The following ZFHX3 variants were observed in gnomAD, a reference collection of about 807,000 sequenced individuals.
The protein encoded by ZFHX3 is zinc finger homeobox 3.
A neutral mutation model predicts 279.1 loss-of-function variants in ZFHX3; 42 were observed. The ratio of observed to expected loss-of-function variants is 0.15; its 90% CI spans 0.12 to 0.19. The LOEUF is 0.19. Among genes scored for constraint, ZFHX3 ranks in the 10% least tolerant of loss-of-function variants. ZFHX3 has a pLI of 1.00. For synonymous variants in ZFHX3, 2,293 were observed against 1,957.8 expected, an observed-to-expected ratio of 1.17 and a Z score of -4.52; for missense variants, 4,981 against 4,754.0, an observed-to-expected ratio of 1.05 and a Z score of -1.40.
intron 2 of ZFHX3, among the ~76,000 whole-genome samples, chr16:73,643,572 G>A (rs1364066563): frequency 6.6e-6 from 1 of 152,212 alleles, no homozygotes. Flanking sequence ...TTCCATGAAG[G>A]TGAAGTTACC....
At position 73,442,195 on chromosome 16, in the gene ZFHX3, G is replaced by A. The variant is rs186870661; in HGVS notation, c.-1291+13808C>T. 1.9e-3 allele frequency among the ~76,000 whole-genome samples: 290 copies of A among 152,292 alleles called. 1 individual carries two copies. Among genetic ancestry groups the A allele is most frequent in the Middle Eastern group, 0.01 (3 of 294 alleles). On this transcript the variant is annotated intron_variant, in intron 3 of 17. Coordinates refer to the ZFHX3 transcript ENST00000641206. ...GCAAAGGGAAGGAGGAGCCTGGAAG[G>A]GAAAGGACATTCATGTTAGTTTGCA...
At chr16:73,390,245 A>G (rs1567469227) in intron 3 of ZFHX3, among the ~76,000 whole-genome samples, 1 of 151,814 alleles carries the variant, frequency 6.6e-6, no homozygotes, top group Non-Finnish European at 1.5e-5. Context: ...TCCCTCTTAA[A>G]CTTAGAAAGC....
At chr16:73,144,181 C>T (rs566374158) in intron 5 of ZFHX3, 3 of 183,086 alleles carry the variant, frequency 1.6e-5, no homozygotes, top group Non-Finnish European at 3.4e-5. Flanking sequence ...ATATTGGTAG[C>T]GGGATCAGGA....
chr16:72,916,052 A>G (rs2039434157), intron 3 of ZFHX3, among the ~76,000 whole-genome samples: 1 of 152,238 alleles, frequency 6.6e-6, no homozygotes. Context: ...GAAATGACGG[A>G]CTGGAATAGT....
intron 1 of ZFHX3, among the ~76,000 whole-genome samples, chr16:73,877,264 T>C (rs1297917884): frequency 6.6e-6 from 1 of 151,824 alleles, no homozygotes; most frequent in East Asian, 1.9e-4. Flanking sequence ...AATTCATCAG[T>C]TTTTGTCTTT....
rs199567227 is a variant in ZFHX3 at position 72,788,817 on chromosome 16, A to G, written c.9459T>C (p.Gly3153=). 75 of 1,525,398 alleles carry G rather than the reference A, an allele frequency of 4.9e-5. No homozygotes were observed. In the Middle Eastern group the frequency reaches 7.1e-4, roughly 14 times the overall value. The allele number at this position is 1,525,398 out of a possible 1,614,324, so 94.5% of individuals were successfully genotyped here. A position where few individuals can be genotyped will look rare whatever the true frequency, so the allele number is the denominator to read the frequency against. The change falls in exon 10 of 10, where the codon GGT becomes GGC. Residue 3153 remains glycine (G), a synonymous_variant. Transcript: ENST00000268489. ...ALTSPKPNLM[G]LPSTTVPSPG... ...GGGAAGGAACAGTTGTGCTGGGCAG[A>G]CCCATCAAGTTCGGCTTAGGAGACG...
At chr16:73,868,488 C>T (rs969948599) in intron 1 of ZFHX3, among the ~76,000 whole-genome samples, 3 of 152,248 alleles carry the variant, frequency 2.0e-5, no homozygotes, top group African/African-American at 7.2e-5. Flanking sequence ...CACGCCACTG[C>T]ACTCCAGCCT....
intron 3 of ZFHX3, among the ~76,000 whole-genome samples, chr16:73,354,330 T>A (rs1255005738): frequency 1.3e-5 from 2 of 152,172 alleles, no homozygotes; most frequent in South Asian, 2.1e-4. Flanking sequence ...AAATGTAAGG[T>A]CCCGAGTGTA....
At chr16:73,606,314 C>A (rs1555527839) in intron 2 of ZFHX3, among the ~76,000 whole-genome samples, 2 of 150,178 alleles carry the variant, frequency 1.3e-5, no homozygotes, top group African/African-American at 2.5e-5. Context: ...CCGAGACCAG[C>A]CTAAAATATA....
chr16:73,141,497 A>G (rs1966847746), intron 6 of ZFHX3, among the ~76,000 whole-genome samples: 1 of 151,828 alleles, frequency 6.6e-6, no homozygotes, highest in Non-Finnish European at 1.5e-5. Flanking sequence ...TCCTGGGCTC[A>G]AGGGATACTC....
chr16:73,104,198 T>C (rs946933008), intron 7 of ZFHX3, among the ~76,000 whole-genome samples: 1 of 141,452 alleles, frequency 7.1e-6, no homozygotes, highest in Non-Finnish European at 1.6e-5. Flanking sequence ...TGGAATTATG[T>C]GCTCCCTATG....
chr16:72,876,199 T>G (rs1046908131), intron 4 of ZFHX3, among the ~76,000 whole-genome samples: 1 of 152,204 alleles, frequency 6.6e-6, no homozygotes, highest in African/African-American at 2.4e-5. Context: ...TTCAAATATT[T>G]CATTGAGATG....
At chr16:73,672,513 T>C (rs2052913774) in intron 2 of ZFHX3, among the ~76,000 whole-genome samples, 1 of 152,144 alleles carries the variant, frequency 6.6e-6, no homozygotes, top group Non-Finnish European at 1.5e-5. Flanking sequence ...ATTGGCCAAG[T>C]TGTACCTACC....
intron 4 of ZFHX3, among the ~76,000 whole-genome samples, chr16:73,304,113 C>G (rs1475355352): frequency 2.6e-5 from 4 of 152,182 alleles, no homozygotes; most frequent in African/African-American, 9.6e-5. Context: ...TGGCAGCCTC[C>G]CACCAGTCTC....
chr16:73,874,399 A>G (rs1431931219), intron 1 of ZFHX3, among the ~76,000 whole-genome samples: 3 of 152,222 alleles, frequency 2.0e-5, no homozygotes, highest in Non-Finnish European at 4.4e-5. Flanking sequence ...AATCAAATGA[A>G]CAAAGTATAT....
At chr16:72,986,366 C>T (rs1268545579) in intron 1 of ZFHX3, among the ~76,000 whole-genome samples, 3 of 152,136 alleles carry the variant, frequency 2.0e-5, no homozygotes, top group Admixed American at 6.5e-5. Context: ...TTTGTTCTAA[C>T]ACATTTAAGA....
chr16:73,776,863 T>C (rs906332079), intron 1 of ZFHX3, among the ~76,000 whole-genome samples: 2 of 152,196 alleles, frequency 1.3e-5, no homozygotes, highest in Non-Finnish European at 2.9e-5. Flanking sequence ...CAGCTGTCCA[T>C]ATAAGCAATC....
At chr16:73,596,980 A>C (rs1456171242) in intron 2 of ZFHX3, among the ~76,000 whole-genome samples, 2 of 152,234 alleles carry the variant, frequency 1.3e-5, no homozygotes, top group Non-Finnish European at 2.9e-5. Context: ...ACAAAAGTTC[A>C]GAGGTTTTAG....
At chr16:73,473,339 C>CAAAAAAAAAAAAA (rs11347779) in intron 2 of ZFHX3, among the ~76,000 whole-genome samples, 31 of 76,660 alleles carry the variant, frequency 4.0e-4, no homozygotes, top group African/African-American at 1.0e-3. Flanking sequence ...TGTCTCAAAG[C>CAAAAAAAAAAAAA]AAAAAAAAAA....
Sources: gnomAD v4.1 joint callset for allele counts (sites outside exome capture counted in the v4.1 genomes callset) on GRCh38, gnomAD v4.1.1 for gene constraint, MANE v1.5 for transcripts, NCBI Gene and HGNC (gene_info 2026-07-23, HGNC 2026-07-21) for gene names.